Variants in PPARGC1A observed in about 807,000 individuals in gnomAD.
The protein encoded by PPARGC1A is PPARG coactivator 1 alpha, also known as peroxisome proliferator-activated receptor gamma coactivator 1-alpha.
In PPARGC1A, 25 loss-of-function variants were observed where a neutral mutation model predicts 88.7. The ratio of observed to expected loss-of-function variants is 0.28; its 90% CI spans 0.21 to 0.39. The LOEUF is 0.39. Ranked by LOEUF, PPARGC1A falls within the 10% of genes least tolerant of loss-of-function variation. The probability of loss-of-function intolerance (pLI) is 1.00; values close to 1 mark genes in which losing one functional copy is unlikely to be tolerated. For synonymous variants in PPARGC1A, 363 were observed against 355.6 expected (o/e 1.02, Z -0.24); for missense variants, 880 against 968.7 (o/e 0.91, Z 1.22).
the PPARGC1A span, among the ~76,000 whole-genome samples, chr4:24,250,225 T>C: frequency 6.6e-6 from 1 of 152,252 alleles, no homozygotes. Flanking sequence ...CACCATTCCT[T>C]GCCCGGTGTG....
At position 23,824,345 on chromosome 4, in the gene PPARGC1A, T is replaced by A; in HGVS notation, c.812A>T (p.Lys271Met). 1 of 1,613,462 alleles carries A rather than the reference T, an allele frequency of 6.2e-7. No individual in the cohort carries two copies. The highest frequency in any genetic ancestry group is 8.5e-7 in the Non-Finnish European group (1 of 1,179,638). Reference protein sequence around the residue: ...PLTPESPNDPKGSPFENKTIE... With the variant: ...PLTPESPNDPMGSPFENKTIE... Reference sequence around the variant, plus strand: ...AGTCTTGTTCTCAAATGGGGAACCCTTGGGGTCACTGGAAGATATGGCACA... The same window carrying A: ...AGTCTTGTTCTCAAATGGGGAACCCATGGGGTCACTGGAAGATATGGCACA... The change falls in exon 7 of 13, where the codon AAG becomes ATG. Residue 271 changes from lysine (K) to methionine (M), a missense_variant. Coordinates refer to ENST00000264867, the MANE Select transcript of PPARGC1A (RefSeq NM_013261.5).
At chr4:23,873,927 C>T (rs1433893553) in intron 2 of PPARGC1A, among the ~76,000 whole-genome samples, 1 of 152,164 alleles carries the variant, frequency 6.6e-6, no homozygotes, top group Non-Finnish European at 1.5e-5. Context: ...AGCCAATTAG[C>T]ATTCACCCGA....
At chr4:24,382,445 T>A in the PPARGC1A span, among the ~76,000 whole-genome samples, 1 of 151,928 alleles carries the variant, frequency 6.6e-6, no homozygotes, top group Non-Finnish European at 1.5e-5. Flanking sequence ...AGGCAGGAAG[T>A]AAGGGAGGGA....
At chr4:24,316,185 C>A in the PPARGC1A span, among the ~76,000 whole-genome samples, 2 of 152,220 alleles carry the variant, frequency 1.3e-5, no homozygotes, top group Non-Finnish European at 2.9e-5. Flanking sequence ...ATGCAAGCGT[C>A]CAGCCAAAGT....
chr4:24,469,649 G>A, the PPARGC1A span, among the ~76,000 whole-genome samples: 1 of 152,170 alleles, frequency 6.6e-6, no homozygotes, highest in African/African-American at 2.4e-5. Flanking sequence ...AGCAGAGCCA[G>A]CTGCTTTATC....
the PPARGC1A span, among the ~76,000 whole-genome samples, chr4:24,402,049 C>T: frequency 2.0e-5 from 3 of 152,200 alleles, no homozygotes; most frequent in Admixed American, 6.5e-5. Context: ...CATCTGCACA[C>T]GTAAGTGCTC....
At chr4:24,384,999 C>T in the PPARGC1A span, among the ~76,000 whole-genome samples, 3 of 152,166 alleles carry the variant, frequency 2.0e-5, no homozygotes, top group African/African-American at 7.2e-5. Flanking sequence ...GGAAGTACAA[C>T]ATGCCTCAGC....
chr4:23,887,047 C>A (rs930563612), intron 1 of PPARGC1A, among the ~76,000 whole-genome samples: 8 of 152,186 alleles, frequency 5.3e-5, no homozygotes, highest in African/African-American at 1.9e-4. Flanking sequence ...TAACTGCCCT[C>A]TTTGGCATGA....
At chr4:24,041,769 T>C in the PPARGC1A span, among the ~76,000 whole-genome samples, 1 of 152,176 alleles carries the variant, frequency 6.6e-6, no homozygotes, top group Non-Finnish European at 1.5e-5. Flanking sequence ...TCCCAAAGTA[T>C]GAATCCTACT....
the PPARGC1A span, among the ~76,000 whole-genome samples, chr4:24,098,922 A>G: frequency 2.6e-5 from 4 of 152,344 alleles, no homozygotes; most frequent in East Asian, 1.9e-4. Context: ...AGAATCAAAT[A>G]TAAGTCCAAC....
Position 23,813,696 on chromosome 4 carries a change from G to A in PPARGC1A, c.1787C>T (p.Ser596Phe). The A allele has an allele frequency of 6.3e-7, 1 of 1,578,232 alleles. No homozygotes were observed. The highest frequency in any genetic ancestry group is 8.6e-7 in the Non-Finnish European group (1 of 1,159,998). ...SRSRSPGSRS[S>F]SRSCYYYESS... ...GGGTTTTGCCAAGGTTTACCTTGAA[G>A]AGGATCTACTGCCTGGAGACCTTGA... Residue 596 changes from serine (S) to phenylalanine (F), a missense_variant, in exon 8 of 13, where the codon TCT becomes TTT. Coordinates refer to ENST00000264867, the MANE Select transcript of PPARGC1A (RefSeq NM_013261.5).
the PPARGC1A span, among the ~76,000 whole-genome samples, chr4:24,384,558 C>T: frequency 1.9e-5 from 1 of 53,966 alleles, no homozygotes; most frequent in Non-Finnish European, 4.3e-5. Context: ...AAATGGAAAG[C>T]AAAAAAAAAA....
the PPARGC1A span, among the ~76,000 whole-genome samples, chr4:24,208,670 A>C: frequency 3.1e-5 from 2 of 64,044 alleles, no homozygotes; most frequent in African/African-American, 4.6e-5. Flanking sequence ...AACTCACCAA[A>C]CTCAGAAAAA....
At chr4:24,230,952 A>AAAG in the PPARGC1A span, among the ~76,000 whole-genome samples, 1 of 150,796 alleles carries the variant, frequency 6.6e-6, no homozygotes, top group Non-Finnish European at 1.5e-5. Flanking sequence ...GAATTTATTA[A>AAAG]AAAAAATAAA....
chr4:24,242,519 T>G, the PPARGC1A span, among the ~76,000 whole-genome samples: 1 of 152,260 alleles, frequency 6.6e-6, no homozygotes, highest in Admixed American at 6.5e-5. Context: ...CTCCATAAAG[T>G]CTGCTGTGAC....
At chr4:23,841,843 A>AATG (rs1727099175) in intron 2 of PPARGC1A, among the ~76,000 whole-genome samples, 1 of 152,086 alleles carries the variant, frequency 6.6e-6, no homozygotes, top group African/African-American at 2.4e-5. Context: ...AAATAATAAT[A>AATG]ATAGTAAATA....
the PPARGC1A span, among the ~76,000 whole-genome samples, chr4:24,289,117 G>A: frequency 1.4e-4 from 22 of 151,764 alleles, no homozygotes; most frequent in Non-Finnish European, 2.2e-4. Context: ...CTACTTGGGA[G>A]GCTGAGGCAG....
chr4:24,111,816 C>T, the PPARGC1A span, among the ~76,000 whole-genome samples: 1 of 152,130 alleles, frequency 6.6e-6, no homozygotes. Flanking sequence ...CCAGTGGAGA[C>T]AGTCAACACA....
At chr4:24,154,307 T>C in the PPARGC1A span, among the ~76,000 whole-genome samples, 1 of 152,178 alleles carries the variant, frequency 6.6e-6, no homozygotes, top group East Asian at 1.9e-4. Flanking sequence ...TGAGCTTTGC[T>C]CTCTTCAAAT....
Sources: allele counts gnomAD v4.1 joint callset (sites outside exome capture counted in the v4.1 genomes callset), GRCh38; gene constraint gnomAD v4.1.1; transcripts MANE v1.5; gene names NCBI Gene and HGNC (gene_info 2026-07-23, HGNC 2026-07-21).